The following PARD3B variants were observed in gnomAD, a reference collection of about 807,000 sequenced individuals.
PARD3B encodes the protein par-3 family cell polarity regulator beta.
PARD3B carries 103 observed loss-of-function variants against 130.2 expected under a neutral mutation model. The ratio of observed to expected loss-of-function variants is 0.79; its 90% CI spans 0.67 to 0.93. The LOEUF is 0.93. Among genes scored for constraint, PARD3B ranks in the 40% least tolerant of loss-of-function variants. The pLI, the probability that PARD3B is intolerant of heterozygous loss-of-function variation, is 0.00. For synonymous variants in PARD3B, 583 were observed against 553.2 expected, an observed-to-expected ratio of 1.05 and a Z score of -0.76; for missense variants, 1,609 against 1,499.2, an observed-to-expected ratio of 1.07 and a Z score of -1.21.
chr2:205,448,130 A>G (rs1350928235), intron 20 of PARD3B, among the ~76,000 whole-genome samples: 2 of 152,164 alleles, frequency 1.3e-5, no homozygotes, highest in Non-Finnish European at 2.9e-5. Flanking sequence ...AAACTCCCCC[A>G]GCTGTTTTAG....
chr2:205,083,908 A>G (rs914657661), intron 4 of PARD3B, among the ~76,000 whole-genome samples: 3 of 152,100 alleles, frequency 2.0e-5, no homozygotes, highest in Non-Finnish European at 4.4e-5. Context: ...CCATTTCATA[A>G]TTTTACTTTA....
intron 2 of PARD3B, among the ~76,000 whole-genome samples, chr2:204,707,747 T>TA (rs759272561): frequency 6.6e-6 from 1 of 152,212 alleles, no homozygotes; most frequent in East Asian, 1.9e-4. Flanking sequence ...GTTGACTTCA[T>TA]ACAGTCTCAG....
At chr2:205,524,737 T>TCTCATAACCTCTCCTCCAGC (rs2051259375) in intron 21 of PARD3B, among the ~76,000 whole-genome samples, 1 of 152,136 alleles carries the variant, frequency 6.6e-6, no homozygotes, top group Non-Finnish European at 1.5e-5. Flanking sequence ...ATCTCATCAG[T>TCTCATAACCTCTCCTCCAGC]CTCATAACCT....
chr2:205,242,488 A>T lies in PARD3B; in HGVS notation c.2141-3290A>T, dbSNP rs78571101. Reference sequence around the variant, plus strand: ...TATACATAATAAAACCGTACAGTCTAGTGTACTTTCATTGCCTTTCTTCCA... The same window carrying T: ...TATACATAATAAAACCGTACAGTCTTGTGTACTTTCATTGCCTTTCTTCCA... On this transcript the variant is annotated intron_variant, in intron 15 of 22. Coordinates refer to ENST00000406610, the MANE Select transcript of PARD3B (RefSeq NM_001302769.2). Among the ~76,000 whole-genome samples the T allele has an allele frequency of 7.9e-5, 12 of 152,288 alleles. No homozygotes were observed. The East Asian group carries it at 2.3e-3, about 29-fold the overall frequency.
chr2:205,210,454 C>T (rs1427317978), intron 15 of PARD3B, among the ~76,000 whole-genome samples: 1 of 152,196 alleles, frequency 6.6e-6, no homozygotes, highest in African/African-American at 2.4e-5. Context: ...ATAAATGTAG[C>T]GTGATTCACT....
At chr2:205,432,878 C>G (rs1186802182) in intron 19 of PARD3B, among the ~76,000 whole-genome samples, 3 of 152,050 alleles carry the variant, frequency 2.0e-5, no homozygotes, top group Non-Finnish European at 2.9e-5. Context: ...TCATAAAGTA[C>G]CAATTTGTAG....
At chr2:205,089,151 T>C (rs79310516) in intron 4 of PARD3B, among the ~76,000 whole-genome samples, 25,376 of 150,198 alleles carry the variant, frequency 0.17, 2,701 homozygotes, top group Middle Eastern at 0.29. Flanking sequence ...TCTTTCTTTT[T>C]TTTTTTTCTT....
At chr2:204,604,255 G>A (rs1252147946) in intron 1 of PARD3B, among the ~76,000 whole-genome samples, 1 of 152,132 alleles carries the variant, frequency 6.6e-6, no homozygotes, top group East Asian at 1.9e-4. Flanking sequence ...CAGTGACCAT[G>A]CTTTGTTAGA....
At chr2:205,205,227 C>T (rs2037218885) in intron 15 of PARD3B, among the ~76,000 whole-genome samples, 1 of 152,128 alleles carries the variant, frequency 6.6e-6, no homozygotes, top group Admixed American at 6.5e-5. Context: ...AATGGGAGTT[C>T]ACTCATGATT....
At chr2:204,761,566 T>C (rs948581241) in intron 2 of PARD3B, among the ~76,000 whole-genome samples, 1 of 150,254 alleles carries the variant, frequency 6.7e-6, no homozygotes, top group Non-Finnish European at 1.5e-5. Flanking sequence ...TTTTTTTAAA[T>C]AAGGGGAGCT....
intron 4 of PARD3B, among the ~76,000 whole-genome samples, chr2:205,065,483 G>C (rs1700316236): frequency 1.3e-5 from 2 of 151,946 alleles, no homozygotes; most frequent in Admixed American, 1.3e-4. Flanking sequence ...ATTTCATTCT[G>C]TGCTATGGTT....
At chr2:204,596,475 C>T (rs1454195397) in intron 1 of PARD3B, among the ~76,000 whole-genome samples, 1 of 152,156 alleles carries the variant, frequency 6.6e-6, no homozygotes, top group Non-Finnish European at 1.5e-5. Flanking sequence ...AACCTGACTT[C>T]AGGGTTCAAG....
Position 205,564,195 on chromosome 2 carries a change from T to A in PARD3B, c.3260+10792T>A, listed in dbSNP as rs1186321617. 6.6e-6 allele frequency among the ~76,000 whole-genome samples: 1 copy of A among 152,158 alleles called. No individual in the cohort carries two copies. Among genetic ancestry groups the A allele is most frequent in the Non-Finnish European group, 1.5e-5 (1 of 68,036 alleles). ...CTGGGCTTTCTGCAGCATCAAGGTGTCTGGTACTAGGCTGGTTGTAAACAG... is the reference window on the plus strand; with the variant it reads ...CTGGGCTTTCTGCAGCATCAAGGTGACTGGTACTAGGCTGGTTGTAAACAG... On this transcript the variant is annotated intron_variant, in intron 22 of 22. Coordinates refer to ENST00000406610, the MANE Select transcript of PARD3B (RefSeq NM_001302769.2). This position sits in a 1 kb window ranked among gnomAD's most constrained non-coding sequence, Gnocchi z 4.6.
intron 21 of PARD3B, among the ~76,000 whole-genome samples, chr2:205,532,236 G>T (rs1035219282): frequency 6.6e-6 from 1 of 152,122 alleles, no homozygotes; most frequent in Non-Finnish European, 1.5e-5. Context: ...ATTGTTTCTG[G>T]TCATGATGAG....
intron 11 of PARD3B, among the ~76,000 whole-genome samples, chr2:205,168,772 G>C (rs939096983): frequency 2.6e-5 from 4 of 151,622 alleles, no homozygotes; most frequent in Admixed American, 1.3e-4. Context: ...CCTTCCAGGA[G>C]ATATCTGGTA....
At chr2:205,013,632 C>G (rs113245983) in intron 3 of PARD3B, among the ~76,000 whole-genome samples, 1,612 of 152,242 alleles carry the variant, frequency 0.011, 24 homozygotes, top group East Asian at 0.045. Flanking sequence ...TTTAATCTTT[C>G]TGTAAGACTC....
intron 20 of PARD3B, among the ~76,000 whole-genome samples, chr2:205,478,537 G>A (rs763339117): frequency 6.6e-6 from 1 of 152,082 alleles, no homozygotes; most frequent in Non-Finnish European, 1.5e-5. Context: ...ATAAGGAGAT[G>A]TTTTCGATTT....
intron 1 of PARD3B, among the ~76,000 whole-genome samples, chr2:204,613,276 A>G (rs993704984): frequency 6.6e-6 from 1 of 152,144 alleles, no homozygotes; most frequent in African/African-American, 2.4e-5. Context: ...TGAAGGCAGT[A>G]TGCTATTATT....
At chr2:204,598,637 A>G (rs1417867951) in intron 1 of PARD3B, among the ~76,000 whole-genome samples, 2 of 152,136 alleles carry the variant, frequency 1.3e-5, no homozygotes, top group Non-Finnish European at 2.9e-5. Context: ...GCAAGTATGT[A>G]TGTGTACAAT....
Sources: gnomAD v4.1 joint callset for allele counts (sites outside exome capture counted in the v4.1 genomes callset) on GRCh38, gnomAD v4.1.1 for gene constraint, Gnocchi (gnomAD v3.1) non-coding constraint, MANE v1.5 for transcripts, NCBI Gene and HGNC (gene_info 2026-07-23, HGNC 2026-07-21) for gene names.